Variants in BBX observed in about 807,000 individuals in gnomAD.
BBX encodes the protein BBX high mobility group box domain containing.
BBX carries 30 observed loss-of-function variants against 100.2 expected under a neutral mutation model. The ratio of observed to expected loss-of-function variants is 0.30; its 90% confidence interval spans 0.22 to 0.41. The LOEUF is 0.41. Among genes scored for constraint, BBX ranks in the 10% least tolerant of loss-of-function variants. The pLI is 1.00. For missense variants in BBX, 1,023 were observed against 1,129.8 expected, an observed-to-expected ratio of 0.91 and a Z score of 1.35; for synonymous variants, 376 against 388.1, an observed-to-expected ratio of 0.97 and a Z score of 0.37.
chr3:107,530,914 A>G (rs1017765299), intron 2 of BBX, among the ~76,000 whole-genome samples: 1 of 152,298 alleles, frequency 6.6e-6, no homozygotes. Context: ...TGATTTCATG[A>G]CTTATAGTTT....
chr3:107,698,263 T>C lies in BBX; in HGVS notation c.-9-12189T>C, dbSNP rs1023580185. Among the ~76,000 whole-genome samples the C allele has an allele frequency of 1.8e-4, 27 of 151,894 alleles. 1 individual carries two copies. Among genetic ancestry groups the C allele is most frequent in the African/African-American group, 5.1e-4 (21 of 41,220 alleles). ...AAACTAAAACAACGACTAAGTCATA[T>C]GAAAGAAAAATTACCTTTTAAACTT... On this transcript the variant is annotated intron_variant, in intron 3 of 17. Transcript: ENST00000325805.
At chr3:107,677,229 A>G (rs899918387) in intron 3 of BBX, among the ~76,000 whole-genome samples, 1 of 152,158 alleles carries the variant, frequency 6.6e-6, no homozygotes, top group African/African-American at 2.4e-5. Context: ...TGGAAAGCAT[A>G]GAAAACTGGT....
intron 2 of BBX, among the ~76,000 whole-genome samples, chr3:107,596,492 G>T (rs2053674791): frequency 6.6e-6 from 1 of 152,160 alleles, no homozygotes; most frequent in South Asian, 2.1e-4. Flanking sequence ...GAGTTTCAGT[G>T]CCTCTCTCAG....
intron 2 of BBX, among the ~76,000 whole-genome samples, chr3:107,619,545 T>TC (rs2055578148): frequency 6.6e-6 from 1 of 152,098 alleles, no homozygotes; most frequent in African/African-American, 2.4e-5. Context: ...CATTTTTTTT[T>TC]TGTCCTTTCT....
At chr3:107,738,879 T>G (rs193159497) in intron 7 of BBX, among the ~76,000 whole-genome samples, 17 of 152,302 alleles carry the variant, frequency 1.1e-4, no homozygotes, top group Admixed American at 9.2e-4. Context: ...TTCCCCATTT[T>G]GTAAATGAGG....
At chr3:107,623,858 T>A (rs981610083) in intron 2 of BBX, among the ~76,000 whole-genome samples, 2 of 152,200 alleles carry the variant, frequency 1.3e-5, no homozygotes, top group African/African-American at 4.8e-5. Context: ...TTCATAAATA[T>A]AAGAATGTAA....
At position 107,661,772 on chromosome 3, in the gene BBX, T is replaced by A. The variant is rs192570128; in HGVS notation, c.-10+15863T>A. The A allele has an allele frequency of 3.0e-4, 176 of 594,642 alleles. 1 individual carries two copies. The African/African-American group carries it at 3.4e-3, about 11-fold the overall frequency. 36.8% of individuals were successfully genotyped at this position (594,642 alleles called of 1,614,324 possible). On this transcript the variant is annotated intron_variant, in intron 3 of 17. Transcript: ENST00000325805. ...TCTGTCCTCTGTTTATTTCCATGTT[T>A]CCTCTCTCTGTGTTTCTCCTGACTG...
intron 2 of BBX, among the ~76,000 whole-genome samples, chr3:107,645,076 G>C (rs930406116): frequency 2.0e-5 from 3 of 152,158 alleles, no homozygotes; most frequent in Non-Finnish European, 2.9e-5. Context: ...GCCTAGAGCA[G>C]GGAATTGCTT....
At chr3:107,717,950 G>T (rs142079230) in intron 5 of BBX, among the ~76,000 whole-genome samples, 3 of 151,778 alleles carry the variant, frequency 2.0e-5, no homozygotes, top group Non-Finnish European at 2.9e-5. Flanking sequence ...GAACCAGCAG[G>T]GGACAAAATA....
At chr3:107,716,374 G>C (rs754501058) in intron 4 of BBX, 6 of 503,452 alleles carry the variant, frequency 1.2e-5, no homozygotes, top group Non-Finnish European at 1.4e-5. Context: ...TGTAATATAT[G>C]CTGTAATAGA....
At chr3:107,558,164 T>G (rs554355942) in intron 2 of BBX, among the ~76,000 whole-genome samples, 2 of 152,158 alleles carry the variant, frequency 1.3e-5, no homozygotes, top group African/African-American at 2.4e-5. Flanking sequence ...CTTTGGAGTG[T>G]GAATGGCACC....
chr3:107,530,679 A>C lies in BBX; in HGVS notation c.-84+4281A>C, dbSNP rs189789480. Among the ~76,000 whole-genome samples the C allele has an allele frequency of 5.2e-3, 787 of 152,330 alleles. 7 individuals are homozygous for C. The highest frequency in any genetic ancestry group is 0.018 in the African/African-American group (748 of 41,566). ...TTTAGAGGAGAAATAAGAATGGGGT[A>C]AAAATTATTCAAAACAGCTGTATTT... is the stretch of plus-strand genomic sequence containing the variant. On this transcript the variant is annotated intron_variant, in intron 2 of 17. Coordinates refer to ENST00000325805, the MANE Select transcript of BBX (RefSeq NM_001142568.3).
At chr3:107,709,521 A>G (rs939838948) in intron 3 of BBX, among the ~76,000 whole-genome samples, 3 of 152,238 alleles carry the variant, frequency 2.0e-5, no homozygotes, top group East Asian at 1.9e-4. Flanking sequence ...GTCAGCATTC[A>G]TGAACCATTT....
At chr3:107,523,163 T>G (rs1027555541) in intron 1 of BBX, 56 bp downstream of exon 1, 1 of 175,008 alleles carries the variant, frequency 5.7e-6, no homozygotes, top group Non-Finnish European at 1.2e-5. Context: ...CTTTCTGTTT[T>G]CCTACTCACT....
intron 7 of BBX, among the ~76,000 whole-genome samples, chr3:107,744,203 A>C (rs928107497): frequency 6.6e-6 from 1 of 152,052 alleles, no homozygotes; most frequent in Non-Finnish European, 1.5e-5. Flanking sequence ...TAATGCATTA[A>C]ATAAAGTCTC....
At chr3:107,690,755 G>C (rs918687729) in intron 3 of BBX, among the ~76,000 whole-genome samples, 42 of 151,824 alleles carry the variant, frequency 2.8e-4, no homozygotes, top group African/African-American at 9.2e-4. Context: ...GATACTCTAG[G>C]GTACTTCAGT....
chr3:107,715,020 A>G (rs968099204), intron 4 of BBX, among the ~76,000 whole-genome samples: 1 of 152,058 alleles, frequency 6.6e-6, no homozygotes, highest in Non-Finnish European at 1.5e-5. Context: ...TCTTGACCTC[A>G]TGATCCTCCC....
intron 16 of BBX, among the ~76,000 whole-genome samples, chr3:107,799,754 A>G (rs2070213775): frequency 6.6e-6 from 1 of 152,058 alleles, no homozygotes; most frequent in South Asian, 2.1e-4. Context: ...CCAACTGGTG[A>G]ATTTCTCCAT....
chr3:107,666,729 G>A (rs942856984), intron 3 of BBX, among the ~76,000 whole-genome samples: 6 of 152,062 alleles, frequency 3.9e-5, no homozygotes, highest in Non-Finnish European at 8.8e-5. Flanking sequence ...GTGCCACCAC[G>A]CCCAGCTAAT....
Sources: allele counts gnomAD v4.1 joint callset (sites outside exome capture counted in the v4.1 genomes callset), GRCh38; gene constraint gnomAD v4.1.1; transcripts MANE v1.5; gene names NCBI Gene and HGNC (gene_info 2026-07-23, HGNC 2026-07-21).